FRMD4A: variants seen among roughly 807,000 people sequenced by gnomAD.
FRMD4A encodes FERM domain-containing protein 4A.
In FRMD4A, 29 loss-of-function variants were observed where a neutral mutation model predicts 129.1. The observed-to-expected ratio is 0.22, with a 90% CI of 0.17 to 0.31. The LOEUF (loss-of-function observed/expected upper bound fraction) is 0.31, where lower values mean the gene tolerates loss of function less well. FRMD4A is among the 10% of genes least tolerant of loss of function. The pLI, the probability that FRMD4A is intolerant of heterozygous loss-of-function variation, is 1.00. For synonymous variants in FRMD4A, 634 were observed against 571.6 expected, an observed-to-expected ratio of 1.11 and a Z score of -1.56; for missense variants, 1,272 against 1,375.8, an observed-to-expected ratio of 0.92 and a Z score of 1.19.
chr10:14,035,010 G>A (rs1420382269), intron 2 of FRMD4A, among the ~76,000 whole-genome samples: 1 of 152,176 alleles, frequency 6.6e-6, no homozygotes, highest in Non-Finnish European at 1.5e-5. Flanking sequence ...CTAGATGAGG[G>A]TTTCCAGACT....
Position 14,247,942 on chromosome 10 carries a change from G to A in FRMD4A, c.45+82116C>T, listed in dbSNP as rs913380875. On this transcript the variant is annotated intron_variant, in intron 2 of 24. Transcript: ENST00000357447. ...GTTAAAAAAAAAATTGGAAACAAAC[G>A]ACTCTACATGGCCAAACCTCATCCT... Among the ~76,000 whole-genome samples the A allele has an allele frequency of 4.6e-5, 7 of 152,142 alleles. No homozygotes were observed. In the East Asian group the frequency reaches 5.8e-4, roughly 13 times the overall value.
chr10:13,933,762 G>A (rs570689250), intron 2 of FRMD4A, among the ~76,000 whole-genome samples: 2 of 152,246 alleles, frequency 1.3e-5, no homozygotes, highest in South Asian at 4.2e-4. Context: ...CTGTATCTCT[G>A]CCCCTAGAGG....
Position 13,645,868 on chromosome 10 carries a change from A to G in FRMD4A, c.*1170T>C, listed in dbSNP as rs2134295766. On this transcript the variant is annotated 3_prime_UTR_variant, in exon 25 of 25. Coordinates refer to ENST00000357447, the MANE Select transcript of FRMD4A (RefSeq NM_018027.5). ...ATGTGCTTTTCCCTTGGTTTCCCAT[A>G]AAAACGAAAATGAAACACCTTGTGC... The G allele has an allele frequency of 6.5e-6, 1 of 152,794 alleles. No individual in the cohort carries two copies. Among genetic ancestry groups the G allele is most frequent in the East Asian group, 1.9e-4 (1 of 5,186 alleles). 9.5% of individuals were successfully genotyped at this position (152,794 alleles called of 1,614,324 possible). A position where few individuals can be genotyped will look rare whatever the true frequency, so the allele number is the denominator to read the frequency against.
chr10:14,142,151 G>GA (rs557846232), intron 2 of FRMD4A, among the ~76,000 whole-genome samples: 1 of 148,172 alleles, frequency 6.7e-6, no homozygotes, highest in African/African-American at 2.5e-5. Context: ...AAACAAAAAA[G>GA]TTTTTTTTTT....
intron 3 of FRMD4A, among the ~76,000 whole-genome samples, chr10:13,820,460 GCTT>G (rs1564856421): frequency 6.6e-6 from 1 of 151,718 alleles, no homozygotes; most frequent in Non-Finnish European, 1.5e-5. Context: ...GGCCCCTTAA[GCTT>G]CTTCTTGTTA....
In FRMD4A at chr10:14,166,422, G is replaced by A. The variant is rs1205426595; in HGVS notation, c.45+163636C>T. 2.0e-5 allele frequency among the ~76,000 whole-genome samples: 3 copies of A among 152,300 alleles called. No homozygotes were observed. In the East Asian group the frequency reaches 5.8e-4, roughly 29 times the overall value. The stretch of plus-strand genomic sequence containing the variant: ...CTCTGTGGAGATACACTGGAAGTAA[G>A]TGAAAATAAAGTCACCATTTTTTTC... On this transcript the variant is annotated intron_variant, in intron 2 of 24. Transcript: ENST00000357447.
chr10:14,148,150 C>T (rs980914943), intron 2 of FRMD4A, among the ~76,000 whole-genome samples: 1 of 152,150 alleles, frequency 6.6e-6, no homozygotes, highest in African/African-American at 2.4e-5. Context: ...TTCAGACCCA[C>T]CACCAAGCAT....
chr10:13,657,186 C>T lies in FRMD4A; in HGVS notation c.2403G>A (p.Met801Ile). Reference sequence around the variant, plus strand: ...CACCCCCGCGCGCCGCCAGGTTGGGCATGCTGCCCGAGCTGGCTGAGCCCA... The same window carrying T: ...CACCCCCGCGCGCCGCCAGGTTGGGTATGCTGCCCGAGCTGGCTGAGCCCA... ...GALGSASSGS[M>I]PNLAARGGAG... Residue 801 changes from methionine to isoleucine, a missense_variant, in exon 22 of 25, where the codon ATG becomes ATA. Coordinates refer to ENST00000357447, the MANE Select transcript of FRMD4A (RefSeq NM_018027.5). 1 of 1,496,702 alleles carries T rather than the reference C, an allele frequency of 6.7e-7. No homozygotes were observed. The highest frequency in any genetic ancestry group is 8.8e-7 in the Non-Finnish European group (1 of 1,130,236). The allele number at this position is 1,496,702 out of a possible 1,614,324, so 92.7% of individuals were successfully genotyped here.
At chr10:13,742,001 T>C (rs1252511345) in intron 9 of FRMD4A, among the ~76,000 whole-genome samples, 1 of 152,094 alleles carries the variant, frequency 6.6e-6, no homozygotes, top group Non-Finnish European at 1.5e-5. Context: ...GGATTACAGG[T>C]GTGTGTCACC....
chr10:13,660,427 T>C lies in FRMD4A; in HGVS notation c.1787A>G (p.Tyr596Cys), dbSNP rs529656042. ...TGACTTGTCATAGTCGTTGCGGTGA[T>C]AGTGCATCTGTCGGAGTCCCTCCAG... ...QSLEGLRQMH[Y>C]HRNDYDKSPI... Residue 596 changes from tyrosine (Y) to cysteine (C), a missense_variant, in exon 20 of 25, where the codon TAT becomes TGT. This residue lies in a region of FRMD4A where 972 missense variants were observed against 892.3 expected (regional missense o/e 1.09). Coordinates refer to ENST00000357447, the MANE Select transcript of FRMD4A (RefSeq NM_018027.5). 9.3e-6 allele frequency: 15 copies of C among 1,614,030 alleles called. No homozygotes were observed. Among genetic ancestry groups the C allele is most frequent in the Middle Eastern group, 1.6e-4 (1 of 6,062 alleles).
chr10:13,834,275 A>G lies in FRMD4A; in HGVS notation c.112-23367T>C, dbSNP rs557853121. 5.3e-5 allele frequency among the ~76,000 whole-genome samples: 8 copies of G among 152,174 alleles called. No individual in the cohort carries two copies. The South Asian group carries it at 1.7e-3, about 32-fold the overall frequency. On this transcript the variant is annotated intron_variant, in intron 3 of 24. Transcript: ENST00000357447. ...TAAGACTCCATCTCAGAAAACAACA[A>G]CAACAACAAAACAAAACAAAAACCA...
At chr10:14,215,362 T>C (rs1915685) in intron 2 of FRMD4A, among the ~76,000 whole-genome samples, 35,330 of 152,080 alleles carry the variant, frequency 0.23, 4,493 homozygotes, top group Admixed American at 0.32. Flanking sequence ...AATTTGGTTC[T>C]TTGCCATCTG....
chr10:14,015,422 C>T (rs2095696121), intron 2 of FRMD4A, among the ~76,000 whole-genome samples: 1 of 150,782 alleles, frequency 6.6e-6, no homozygotes, highest in Admixed American at 6.6e-5. Flanking sequence ...CCCTTCCCTT[C>T]CTTGACTCTC....
chr10:14,172,547 G>A (rs1841531831), intron 2 of FRMD4A, among the ~76,000 whole-genome samples: 1 of 152,168 alleles, frequency 6.6e-6, no homozygotes. Context: ...TTAGGAGCTC[G>A]GATCCACAGA....
chr10:14,097,160 A>AG (rs1837017655), intron 2 of FRMD4A: 2 of 112,066 alleles, frequency 1.8e-5, no homozygotes, highest in African/African-American at 7.9e-5. Context: ...AAAAAAAAAA[A>AG]AAAAAAAGAA....
intron 2 of FRMD4A, among the ~76,000 whole-genome samples, chr10:13,941,761 A>G (rs941493420): frequency 1.3e-5 from 2 of 152,192 alleles, no homozygotes; most frequent in Non-Finnish European, 2.9e-5. Flanking sequence ...CTCCTAAAAA[A>G]GGTGTGAATG....
chr10:13,941,472 CAT>C (rs752163596), intron 2 of FRMD4A, among the ~76,000 whole-genome samples: 6 of 152,132 alleles, frequency 3.9e-5, no homozygotes, highest in Non-Finnish European at 8.8e-5. Flanking sequence ...CAAAGCCAAA[CAT>C]ATAACATTAC....
intron 7 of FRMD4A, 93 bp downstream of exon 7, chr10:13,762,531 G>C: frequency 1.3e-6 from 1 of 742,774 alleles, no homozygotes; most frequent in South Asian, 1.6e-5. Context: ...CAAATAGTGA[G>C]TAGATACAGC....
At chr10:14,299,452 C>G (rs1309464815) in intron 2 of FRMD4A, among the ~76,000 whole-genome samples, 2 of 152,118 alleles carry the variant, frequency 1.3e-5, no homozygotes, top group Non-Finnish European at 2.9e-5. Context: ...TGGTACTTCA[C>G]TTAATATTTA....
Sources: allele counts gnomAD v4.1 joint callset (sites outside exome capture counted in the v4.1 genomes callset), GRCh38; gene constraint gnomAD v4.1.1; regional missense constraint gnomAD v4.1.1; transcripts MANE v1.5; gene names NCBI Gene and HGNC (gene_info 2026-07-23, HGNC 2026-07-21).